Variants in ADGRG6 observed in about 807,000 individuals in gnomAD.
ADGRG6 encodes the protein adhesion G protein-coupled receptor G6.
A neutral mutation model predicts 142.4 loss-of-function variants in ADGRG6; 84 were observed. The ratio of observed to expected loss-of-function variants is 0.59; its 90% CI spans 0.49 to 0.71. The LOEUF is 0.71. Ranked by LOEUF, ADGRG6 falls within the 30% of genes least tolerant of loss-of-function variation. ADGRG6 has a pLI of 0.00. For synonymous variants in ADGRG6, 521 were observed against 520.5 expected, an observed-to-expected ratio of 1.00 and a Z score of -0.01; for missense variants, 1,367 against 1,466.6, an observed-to-expected ratio of 0.93 and a Z score of 1.11.
intron 2 of ADGRG6, among the ~76,000 whole-genome samples, chr6:142,331,970 A>C (rs1445831076): frequency 6.6e-6 from 1 of 152,182 alleles, no homozygotes; most frequent in Non-Finnish European, 1.5e-5. Flanking sequence ...GGTATTTTGC[A>C]GTAATAACAG....
At position 142,385,937 on chromosome 6, in the gene ADGRG6, A is replaced by G. The variant is rs114454095; in HGVS notation, c.1222+2094A>G. On this transcript the variant is annotated intron_variant, in intron 6 of 24. Coordinates refer to ENST00000367609, the MANE Select transcript of ADGRG6 (RefSeq NM_198569.3). The stretch of plus-strand genomic sequence containing the variant: ...ACATTCTGATATATTAGAGAATACT[A>G]TTTTATTTACTGTAAGAAAGATTGG... Among the ~76,000 whole-genome samples, 920 of 152,312 alleles carry G rather than the reference A, an allele frequency of 6.0e-3. 17 individuals are homozygous for G. The highest frequency in any genetic ancestry group is 0.02 in the African/African-American group (848 of 41,568).
rs1781789614 is a variant in ADGRG6 at position 142,381,946 on chromosome 6, T to A, written c.1070-5T>A. The A allele has an allele frequency of 6.4e-7, 1 of 1,574,142 alleles. No individual in the cohort carries two copies. Among genetic ancestry groups the A allele is most frequent in the Admixed American group, 1.7e-5 (1 of 57,832 alleles). On this transcript the variant is annotated splice_polypyrimidine_tract_variant and splice_region_variant and intron_variant, in intron 4 of 24. Coordinates refer to ENST00000367609, the MANE Select transcript of ADGRG6 (RefSeq NM_198569.3). Reference sequence around the variant, plus strand: ...AACTTACATATTCTTTTTGTGTTGATCAAGGTTCCTACCTGATCCCGCTCC... The same window carrying A: ...AACTTACATATTCTTTTTGTGTTGAACAAGGTTCCTACCTGATCCCGCTCC...
At chr6:142,323,386 A>G (rs1157460036) in intron 2 of ADGRG6, among the ~76,000 whole-genome samples, 1 of 152,108 alleles carries the variant, frequency 6.6e-6, no homozygotes, top group Non-Finnish European at 1.5e-5. Flanking sequence ...CAATCTTTAC[A>G]TCTTAAAATC....
At chr6:142,305,840 C>T (rs1777468212) in intron 1 of ADGRG6, among the ~76,000 whole-genome samples, 2 of 152,018 alleles carry the variant, frequency 1.3e-5, no homozygotes, top group South Asian at 4.2e-4. Context: ...AATAAATCAG[C>T]CTTTTTGAAG....
intron 2 of ADGRG6, among the ~76,000 whole-genome samples, chr6:142,351,317 A>G (rs1583022683): frequency 6.6e-6 from 1 of 152,166 alleles, no homozygotes; most frequent in Non-Finnish European, 1.5e-5. Flanking sequence ...CTACAAGGCT[A>G]CAGTAACCAA....
intron 10 of ADGRG6, 75 bp downstream of exon 10, chr6:142,397,830 A>G (rs1775282226): frequency 3.3e-6 from 3 of 910,676 alleles, no homozygotes; most frequent in Non-Finnish European, 4.7e-6. Context: ...AACAGCAGAA[A>G]TTTTCTTTAT....
chr6:142,392,627 C>T (rs1482461409), intron 7 of ADGRG6, among the ~76,000 whole-genome samples: 2 of 151,962 alleles, frequency 1.3e-5, no homozygotes, highest in South Asian at 2.1e-4. Context: ...GCATCTGCTA[C>T]TGCTTACTTG....
In ADGRG6 at chr6:142,387,708, T is replaced by C. The variant is rs866443579; in HGVS notation, c.1223-2550T>C. Among the ~76,000 whole-genome samples the C allele has an allele frequency of 2.6e-5, 4 of 151,982 alleles. No individual in the cohort carries two copies. In the South Asian group the frequency reaches 8.3e-4, roughly 31 times the overall value. On this transcript the variant is annotated intron_variant, in intron 6 of 24. Transcript: ENST00000367609. The stretch of plus-strand genomic sequence containing the variant: ...GTCATTTCTGTATTCTCCAAGAAAC[T>C]CTGAAAAAAGTGTAAGAAGATAAAA...
intron 20 of ADGRG6, 78 bp downstream of exon 20, chr6:142,416,142 T>A (rs895745900): frequency 3.0e-5 from 31 of 1,023,220 alleles, no homozygotes; most frequent in Admixed American, 2.6e-4. Flanking sequence ...AAATCTTATT[T>A]AAAAAAAAAT....
chr6:142,390,282 T>C lies in ADGRG6; in HGVS notation c.1247T>C (p.Val416Ala). The change falls in exon 7 of 25, where the codon GTA (valine) becomes GCA (alanine). Residue 416 changes from valine to alanine, a missense_variant. Physicochemically the swap from Val to Ala is moderately conservative, Grantham distance 64. Transcript: ENST00000367609. ...RNDGIIYRIS[V>A]VIQNILRHPE... ...GATGGAATTATCTATAGAATATCCGTAGTGATTCAGAACATCCTTCGTCAC... is the reference window on the plus strand; with the variant it reads ...GATGGAATTATCTATAGAATATCCGCAGTGATTCAGAACATCCTTCGTCAC... 1 of 1,593,990 alleles carries C rather than the reference T, an allele frequency of 6.3e-7. No individual in the cohort carries two copies. The highest frequency in any genetic ancestry group is 8.6e-7 in the Non-Finnish European group (1 of 1,164,256).
intron 13 of ADGRG6, among the ~76,000 whole-genome samples, chr6:142,403,500 A>G (rs1248419396): frequency 6.6e-6 from 1 of 152,110 alleles, no homozygotes; most frequent in Non-Finnish European, 1.5e-5. Context: ...GGTAGGGAGG[A>G]TGCTTTTTCA....
In ADGRG6 at chr6:142,411,408, G is replaced by C. The variant is rs780621034; in HGVS notation, c.2538G>C (p.Leu846=). The stretch of plus-strand genomic sequence containing the variant: ...ACCACTTCACACACTTTGGAGTTCT[G>C]ATGGTAAGGGGGGAATTTCTAAGCT... ...LCNHFTHFGV[L]MDLPRSASQL... The change falls in exon 18 of 25, where the codon CTG becomes CTC. Residue 846 remains leucine, a synonymous_variant. Coordinates refer to ENST00000367609, the MANE Select transcript of ADGRG6 (RefSeq NM_198569.3). The C allele has an allele frequency of 1.2e-5, 18 of 1,494,642 alleles. No individual in the cohort carries two copies. Among genetic ancestry groups the C allele is most frequent in the Non-Finnish European group, 1.6e-5 (17 of 1,071,426 alleles). 92.6% of individuals were successfully genotyped at this position (1,494,642 alleles called of 1,614,324 possible).
intron 22 of ADGRG6, among the ~76,000 whole-genome samples, chr6:142,435,029 A>C (rs1411337706): frequency 6.6e-6 from 1 of 152,166 alleles, no homozygotes; most frequent in Non-Finnish European, 1.5e-5. Flanking sequence ...AGTACTGTTA[A>C]GACTTTTTCC....
chr6:142,322,911 A>T (rs566459357), intron 2 of ADGRG6, among the ~76,000 whole-genome samples: 3 of 152,152 alleles, frequency 2.0e-5, no homozygotes, highest in Non-Finnish European at 4.4e-5. Flanking sequence ...AGCATGAACC[A>T]GAAAGTACAT....
intron 22 of ADGRG6, among the ~76,000 whole-genome samples, chr6:142,431,412 G>T (rs1259456836): frequency 5.5e-4 from 84 of 152,250 alleles, no homozygotes; most frequent in Non-Finnish European, 8.8e-5. Flanking sequence ...TCTTGAAACT[G>T]GCACTAGCTT....
chr6:142,398,030 T>A (rs75689256), intron 10 of ADGRG6, among the ~76,000 whole-genome samples: 1 of 152,152 alleles, frequency 6.6e-6, no homozygotes, highest in Non-Finnish European at 1.5e-5. Context: ...GCCAGAATAA[T>A]CTTGATCATC....
intron 5 of ADGRG6, 45 bp from the exon 6 acceptor site, chr6:142,383,715 C>T (rs373779335): frequency 3.3e-5 from 30 of 898,018 alleles, no homozygotes; most frequent in Non-Finnish European, 5.0e-5. Flanking sequence ...AATTAACTGT[C>T]ATGTGCTCTT....
At chr6:142,417,847 T>C (rs1401938090) in intron 21 of ADGRG6, among the ~76,000 whole-genome samples, 1 of 152,178 alleles carries the variant, frequency 6.6e-6, no homozygotes, top group Non-Finnish European at 1.5e-5. Flanking sequence ...TTTATATTGT[T>C]CAGTTTGGGC....
At chr6:142,417,718 G>A (rs1366337148) in intron 21 of ADGRG6, among the ~76,000 whole-genome samples, 1 of 152,174 alleles carries the variant, frequency 6.6e-6, no homozygotes, top group East Asian at 1.9e-4. Flanking sequence ...CAGACAGAGA[G>A]TGAATGATTC....
Sources: allele counts gnomAD v4.1 joint callset (sites outside exome capture counted in the v4.1 genomes callset), GRCh38; gene constraint gnomAD v4.1.1; transcripts MANE v1.5; gene names NCBI Gene and HGNC (gene_info 2026-07-23, HGNC 2026-07-21).